Variants in GOLIM4 observed in about 807,000 individuals in gnomAD.
The protein encoded by GOLIM4 is golgi integral membrane protein 4.
A neutral mutation model predicts 107.4 loss-of-function variants in GOLIM4; 71 were observed. The ratio of observed to expected loss-of-function variants is 0.66; its 90% CI spans 0.55 to 0.81. The LOEUF (loss-of-function observed/expected upper bound fraction) is 0.81, where lower values mean the gene tolerates loss of function less well. Among genes scored for constraint, GOLIM4 ranks in the 30% least tolerant of loss-of-function variants. The probability of loss-of-function intolerance (pLI) is 0.00; values close to 1 mark genes in which losing one functional copy is unlikely to be tolerated. For synonymous variants in GOLIM4, 327 were observed against 294.8 expected, an observed-to-expected ratio of 1.11 and a Z score of -1.12; for missense variants, 830 against 826.1, an observed-to-expected ratio of 1.00 and a Z score of -0.06.
At position 168,009,426 on chromosome 3, in the gene GOLIM4, C is replaced by CCAACAAAAAAAA. The variant is rs1716858919; in HGVS notation, c.*842_*843insTTTTTTTTGTTG. The CCAACAAAAAAAA allele has an allele frequency of 1.1e-4, 1 of 8,734 alleles. No individual in the cohort carries two copies. Among genetic ancestry groups the CCAACAAAAAAAA allele is most frequent in the Non-Finnish European group, 8.1e-4 (1 of 1,232 alleles). The allele number at this position is 8,734 out of a possible 1,614,324, so 0.5% of individuals were successfully genotyped here. ...AAACAAGAATATCAATCAATGGCTT[C>CCAACAAAAAAAA]AAACAAAAAAAAAAAAAAAAAATTG... On this transcript the variant is annotated 3_prime_UTR_variant, in exon 16 of 16. Coordinates refer to ENST00000470487, the MANE Select transcript of GOLIM4 (RefSeq NM_014498.5).
intron 1 of GOLIM4, among the ~76,000 whole-genome samples, chr3:168,056,809 G>A (rs1291784353): frequency 6.6e-6 from 1 of 152,172 alleles, no homozygotes; most frequent in East Asian, 1.9e-4. Flanking sequence ...TAATTAACTT[G>A]CTTTTGATTT....
chr3:168,061,132 G>T (rs1209158988), intron 1 of GOLIM4, among the ~76,000 whole-genome samples: 3 of 142,356 alleles, frequency 2.1e-5, no homozygotes, highest in African/African-American at 8.4e-5. Flanking sequence ...AAATATACAA[G>T]ATTTTAGAGA....
chr3:168,032,933 G>T, intron 8 of GOLIM4, 81 bp from the exon 9 acceptor site: 1 of 1,021,240 alleles, frequency 9.8e-7, no homozygotes, highest in Non-Finnish European at 1.5e-6. Flanking sequence ...CATGTCTATG[G>T]GGCATGGGGC....
chr3:168,057,144 A>G (rs546480975), intron 1 of GOLIM4, among the ~76,000 whole-genome samples: 24 of 152,296 alleles, frequency 1.6e-4, no homozygotes, highest in Non-Finnish European at 2.9e-4. Context: ...TTTTAAAAAA[A>G]GGAGTTTCCC....
At chr3:168,021,033 G>T (rs955074637) in intron 14 of GOLIM4, among the ~76,000 whole-genome samples, 9 of 152,132 alleles carry the variant, frequency 5.9e-5, no homozygotes, top group Admixed American at 2.6e-4. Context: ...AATGCTTCTT[G>T]TTACTCATTT....
At chr3:168,050,860 T>TAATAATAATAATAATAAA (rs1381308882) in intron 1 of GOLIM4, among the ~76,000 whole-genome samples, 6 of 128,812 alleles carry the variant, frequency 4.7e-5, no homozygotes, top group African/African-American at 1.7e-4. Context: ...ATAATAATAA[T>TAATAATAATAATAATAAA]AATAATAATA....
chr3:168,055,812 A>AAG (rs1462935578), intron 1 of GOLIM4, among the ~76,000 whole-genome samples: 5 of 151,792 alleles, frequency 3.3e-5, no homozygotes, highest in Non-Finnish European at 5.9e-5. Flanking sequence ...AAAAAAAAAA[A>AAG]AAAAAGAGGT....
At chr3:168,022,939 G>A (rs920262239) in intron 14 of GOLIM4, among the ~76,000 whole-genome samples, 15 of 152,180 alleles carry the variant, frequency 9.9e-5, no homozygotes, top group Non-Finnish European at 2.1e-4. Flanking sequence ...AGTTTAGGCA[G>A]CACTCAGCCA....
intron 14 of GOLIM4, among the ~76,000 whole-genome samples, chr3:168,011,530 G>C (rs998410450): frequency 2.0e-5 from 3 of 151,792 alleles, no homozygotes; most frequent in African/African-American, 7.3e-5. Context: ...CTCCAACTGG[G>C]CGGAGCCCAC....
chr3:168,028,474 T>C (rs1161261476), intron 11 of GOLIM4, among the ~76,000 whole-genome samples: 3 of 152,104 alleles, frequency 2.0e-5, no homozygotes, highest in Admixed American at 6.5e-5. Context: ...AAGAGGAAAG[T>C]TTAAGTATAT....
At chr3:168,080,686 C>T (rs1299612638) in intron 1 of GOLIM4, among the ~76,000 whole-genome samples, 1 of 152,320 alleles carries the variant, frequency 6.6e-6, no homozygotes, top group South Asian at 2.1e-4. Flanking sequence ...CTGAAGCCCA[C>T]ACGCCCCATT....
chr3:168,021,653 G>A (rs1553794850), intron 14 of GOLIM4, among the ~76,000 whole-genome samples: 2 of 151,808 alleles, frequency 1.3e-5, no homozygotes, highest in Non-Finnish European at 2.9e-5. Context: ...GTGACAGTCA[G>A]ACTCTGTCTC....
intron 1 of GOLIM4, among the ~76,000 whole-genome samples, chr3:168,073,831 G>T (rs1720947744): frequency 6.6e-6 from 1 of 152,062 alleles, no homozygotes; most frequent in Admixed American, 6.5e-5. Context: ...AGATCTCCAG[G>T]GATGGCAGGG....
intron 8 of GOLIM4, among the ~76,000 whole-genome samples, chr3:168,033,462 C>T (rs1469287014): frequency 2.0e-5 from 3 of 151,320 alleles, no homozygotes; most frequent in Non-Finnish European, 4.4e-5. Flanking sequence ...AAAAAATTAG[C>T]CGGGCGTGGT....
chr3:168,065,874 A>G (rs1331558485), intron 1 of GOLIM4, among the ~76,000 whole-genome samples: 1 of 152,258 alleles, frequency 6.6e-6, no homozygotes, highest in Non-Finnish European at 1.5e-5. Flanking sequence ...AAAGTATTTC[A>G]TAACTAATAT....
chr3:168,059,735 G>T (rs981076537), intron 1 of GOLIM4, among the ~76,000 whole-genome samples: 1 of 152,220 alleles, frequency 6.6e-6, no homozygotes, highest in South Asian at 2.1e-4. Flanking sequence ...GATCGAAAGA[G>T]ACTGGAGGCG....
rs1338051823 is a variant in GOLIM4, at chr3:168,095,229, C to T, written c.57G>A (p.Leu19=). ...KQKRIFQTLL[L]LTVVFGFLYG... The stretch of plus-strand genomic sequence containing the variant: ...AGAGAAAGCCGAACACGACGGTCAG[C>T]AGCAGCAGCGTCTGGAAAATCCGCT... Residue 19 remains leucine (L), a synonymous_variant, in exon 1 of 16, where the codon CTG becomes CTA. Coordinates refer to ENST00000470487, the MANE Select transcript of GOLIM4 (RefSeq NM_014498.5). 6.2e-7 allele frequency: 1 copy of T among 1,613,582 alleles called. No homozygotes were observed. Among genetic ancestry groups the T allele is most frequent in the Non-Finnish European group, 8.5e-7 (1 of 1,179,986 alleles).
chr3:168,057,355 G>C (rs147806885), intron 1 of GOLIM4, among the ~76,000 whole-genome samples: 5 of 152,290 alleles, frequency 3.3e-5, no homozygotes, highest in African/African-American at 1.2e-4. Context: ...TCATGTATTA[G>C]TCTATTCTCA....
intron 5 of GOLIM4, among the ~76,000 whole-genome samples, chr3:168,042,673 T>C (rs961325011): frequency 6.6e-6 from 1 of 152,240 alleles, no homozygotes; most frequent in Non-Finnish European, 1.5e-5. Context: ...AGGACTCACA[T>C]GCACTCAGAA....
Sources: allele counts gnomAD v4.1 joint callset (sites outside exome capture counted in the v4.1 genomes callset), GRCh38; gene constraint gnomAD v4.1.1; transcripts MANE v1.5; gene names NCBI Gene and HGNC (gene_info 2026-07-23, HGNC 2026-07-21).